The following DRICH1 variants were observed in gnomAD, a reference collection of about 807,000 sequenced individuals.
DRICH1 encodes the protein aspartate rich 1.
In DRICH1, 38 loss-of-function variants were observed where a neutral mutation model predicts 39.5. The ratio of observed to expected loss-of-function variants is 0.96; its 90% CI spans 0.74 to 1.26. The LOEUF is 1.26. Ranked by LOEUF, DRICH1 falls within the 50% of genes most tolerant of loss-of-function variation. The pLI, the probability that DRICH1 is intolerant of heterozygous loss-of-function variation, is 0.00. For synonymous variants in DRICH1, 84 were observed against 99.5 expected, an observed-to-expected ratio of 0.84 and a Z score of 0.93; for missense variants, 279 against 270.4, an observed-to-expected ratio of 1.03 and a Z score of -0.22.
chr22:23,582,514 T>C, the DRICH1 span, among the ~76,000 whole-genome samples: 4 of 150,892 alleles, frequency 2.7e-5, no homozygotes, highest in Non-Finnish European at 5.9e-5. Context: ...TGAAAGTCCT[T>C]TTTAAACTGG....
chr22:23,586,540 T>TTTG, the DRICH1 span, among the ~76,000 whole-genome samples: 2 of 148,366 alleles, frequency 1.3e-5, no homozygotes. Flanking sequence ...TGATGAGGTT[T>TTTG]TTGTTTGTTT....
In DRICH1 at chr22:23,631,905, T is replaced by G; in HGVS notation, c.119A>C (p.Glu40Ala). The change falls in exon 1 of 12, where the codon GAA (glutamate) becomes GCA (alanine). Residue 40 changes from glutamate (E) to alanine (A), a missense_variant. Physicochemically the swap from Glu to Ala is moderately radical, Grantham distance 107. Coordinates refer to ENST00000317749, the MANE Select transcript of DRICH1 (RefSeq NM_016449.4). ...IYETVAAATS[E>A]STTVEPGKLD... is the part of the protein sequence containing the mutation. The stretch of plus-strand genomic sequence containing the variant: ...CTTGCCAGGCTCTACAGTAGTGGAT[T>G]CTGATGTTGCAGCAGCCACAGTCTC... 1 of 1,613,540 alleles carries G rather than the reference T, an allele frequency of 6.2e-7. No individual in the cohort carries two copies. The highest frequency in any genetic ancestry group is 1.1e-5 in the South Asian group (1 of 91,040).
chr22:23,594,405 C>T, the DRICH1 span, among the ~76,000 whole-genome samples: 5 of 152,112 alleles, frequency 3.3e-5, no homozygotes, highest in Non-Finnish European at 5.9e-5. Flanking sequence ...CCCATCTCTA[C>T]TAAAAATACA....
At chr22:23,617,698 G>C in intron 6 of DRICH1, 41 bp from the exon 7 acceptor site, 1 of 1,592,148 alleles carries the variant, frequency 6.3e-7, no homozygotes, top group Non-Finnish European at 8.6e-7. Context: ...CTGGTTGTTT[G>C]TGACTGTGAG....
intron 8 of DRICH1, among the ~76,000 whole-genome samples, chr22:23,616,038 A>G (rs547395478): frequency 6.6e-6 from 1 of 152,324 alleles, no homozygotes; most frequent in East Asian, 1.9e-4. Context: ...GTGAGCCCAG[A>G]GTGTATTTTC....
the DRICH1 span, among the ~76,000 whole-genome samples, chr22:23,589,120 ACACACAC>A: frequency 7.1e-6 from 1 of 140,702 alleles, no homozygotes; most frequent in South Asian, 2.2e-4. Flanking sequence ...ACACACACAC[ACACACAC>A]CCCTTTGATA....
intron 11 of DRICH1, among the ~76,000 whole-genome samples, chr22:23,610,892 A>ATTT (rs36010947): frequency 2.2e-5 from 3 of 139,428 alleles, no homozygotes; most frequent in Non-Finnish European, 3.1e-5. Context: ...GATGGGCAAA[A>ATTT]TTTTTTTTTT....
upstream of DRICH1, chr22:23,632,388 A>C (rs770962471): frequency 2.3e-5 from 7 of 303,020 alleles, no homozygotes; most frequent in Non-Finnish European, 4.4e-5. Flanking sequence ...GTTACCAGGA[A>C]ACAGCCAGGT....
At chr22:23,601,150 A>G in the DRICH1 span, among the ~76,000 whole-genome samples, 2,811 of 149,024 alleles carry the variant, frequency 0.019, 93 homozygotes, top group African/African-American at 0.066. Context: ...ACGCGCGCAC[A>G]CACACACACA....
At chr22:23,592,728 A>G in the DRICH1 span, among the ~76,000 whole-genome samples, 1 of 152,114 alleles carries the variant, frequency 6.6e-6, no homozygotes, top group Non-Finnish European at 1.5e-5. Flanking sequence ...CAGGTGGCTC[A>G]CACCTGTAAT....
chr22:23,614,215 C>G lies in DRICH1; in HGVS notation c.542-1G>C, dbSNP rs1220041409. 6.2e-7 allele frequency: 1 copy of G among 1,611,318 alleles called. No individual in the cohort carries two copies. The highest frequency in any genetic ancestry group is 2.2e-5 in the East Asian group (1 of 44,888). The stretch of plus-strand genomic sequence containing the variant: ...AAAAACAGGCTATCTTCAGAACAAG[C>G]TGGAAGGACACAGAGGAAAGATCAG... On this transcript the variant is annotated splice_acceptor_variant, in intron 8 of 11. Coordinates refer to ENST00000317749, the MANE Select transcript of DRICH1 (RefSeq NM_016449.4). LOFTEE classifies it high-confidence loss of function.
At position 23,631,974 on chromosome 22, in the gene DRICH1, C is replaced by G; in HGVS notation, c.50G>C (p.Arg17Thr). ...CCINSHCGWP[R>T]GKDAPCYESD... is the part of the protein sequence containing the mutation. ...TTCATAACAGGGTGCGTCCTTCCCC[C>G]TGGGCCAGCCACAGTGGGAGTTGAT... Residue 17 changes from arginine to threonine, a missense_variant, in exon 1 of 12, where the codon AGG becomes ACG. Physicochemically the swap from Arg to Thr is moderately conservative, Grantham distance 71. Coordinates refer to ENST00000317749, the MANE Select transcript of DRICH1 (RefSeq NM_016449.4). The G allele has an allele frequency of 6.2e-7, 1 of 1,613,738 alleles. No homozygotes were observed. Among genetic ancestry groups the G allele is most frequent in the Non-Finnish European group, 8.5e-7 (1 of 1,180,034 alleles).
At chr22:23,581,040 C>T in the DRICH1 span, 2 of 152,186 alleles carry the variant, frequency 1.3e-5, no homozygotes, top group Non-Finnish European at 2.9e-5. Context: ...TGCCACACTG[C>T]AAAATGATTA....
the DRICH1 span, among the ~76,000 whole-genome samples, chr22:23,601,537 T>A: frequency 6.6e-6 from 1 of 152,182 alleles, no homozygotes; most frequent in Non-Finnish European, 1.5e-5. Flanking sequence ...AAATTAATAG[T>A]TGCCAGGGGC....
At chr22:23,617,105 T>C (rs1010117592) in intron 7 of DRICH1, among the ~76,000 whole-genome samples, 6 of 152,204 alleles carry the variant, frequency 3.9e-5, no homozygotes, top group African/African-American at 9.6e-5. Context: ...CAATGTCTAA[T>C]CCAAGGAGAA....
Position 23,614,223 on chromosome 22 carries a change from A to G in DRICH1, c.542-9T>C, listed in dbSNP as rs772901935. 6.2e-7 allele frequency: 1 copy of G among 1,608,058 alleles called. No individual in the cohort carries two copies. Among genetic ancestry groups the G allele is most frequent in the Admixed American group, 1.7e-5 (1 of 59,998 alleles). ...GCTATCTTCAGAACAAGCTGGAAGG[A>G]CACAGAGGAAAGATCAGTGCACCGG... On this transcript the variant is annotated splice_polypyrimidine_tract_variant and intron_variant, in intron 8 of 11. Coordinates refer to ENST00000317749, the MANE Select transcript of DRICH1 (RefSeq NM_016449.4).
In DRICH1 at chr22:23,614,150, A is replaced by T. The variant is rs969300714; in HGVS notation, c.606T>A (p.Asp202Glu). The T allele has an allele frequency of 2.5e-6, 4 of 1,611,684 alleles. No homozygotes were observed. Among genetic ancestry groups the T allele is most frequent in the Non-Finnish European group, 3.4e-6 (4 of 1,177,860 alleles). ...GAGGTCTTACGTGGATGTCATCATC[A>T]TCTTCTTCTTCTTCATCTTTGTGTC... is the stretch of plus-strand genomic sequence containing the variant. ...SLRHKDEEEE[D>E]DDDIHITARI... is the part of the protein sequence containing the mutation. The change falls in exon 9 of 12, where the codon GAT becomes GAA. Residue 202 changes from aspartate (D) to glutamate (E), a missense_variant. Transcript: ENST00000317749.
At chr22:23,624,394 C>T (rs1021787663) in intron 3 of DRICH1, 3 of 948,954 alleles carry the variant, frequency 3.2e-6, no homozygotes, top group African/African-American at 3.5e-5. Context: ...CATAATACTT[C>T]TCACCTGATG....
chr22:23,598,362 G>A, the DRICH1 span, among the ~76,000 whole-genome samples: 10,820 of 146,892 alleles, frequency 0.074, 1 homozygote, highest in African/African-American at 0.16. Flanking sequence ...GAGGGTCCCC[G>A]TGGGCCTGGC....
Sources: allele counts gnomAD v4.1 joint callset (sites outside exome capture counted in the v4.1 genomes callset), GRCh38; gene constraint gnomAD v4.1.1; transcripts MANE v1.5; gene names NCBI Gene and HGNC (gene_info 2026-07-23, HGNC 2026-07-21).